The following PRKG1 variants were observed in gnomAD, a reference collection of about 807,000 sequenced individuals.
PRKG1 encodes the protein cGMP-dependent protein kinase 1.
PRKG1 carries 35 observed loss-of-function variants against 88.1 expected under a neutral mutation model. The ratio of observed to expected loss-of-function variants is 0.40; its 90% confidence interval spans 0.30 to 0.53. The LOEUF is 0.53. PRKG1 is among the 20% of genes least tolerant of loss of function. The pLI, the probability that PRKG1 is intolerant of heterozygous loss-of-function variation, is 0.59. For synonymous variants in PRKG1, 303 were observed against 292.5 expected, an observed-to-expected ratio of 1.04 and a Z score of -0.37; for missense variants, 540 against 839.8, an observed-to-expected ratio of 0.64 and a Z score of 4.41.
At chr10:51,452,149 T>C (rs1007393175) in intron 2 of PRKG1, among the ~76,000 whole-genome samples, 1 of 151,920 alleles carries the variant, frequency 6.6e-6, no homozygotes, top group African/African-American at 2.4e-5. Context: ...ATCACCACAG[T>C]CAAACTTAAA....
At chr10:52,151,014 G>A (rs1179874900) in intron 8 of PRKG1, among the ~76,000 whole-genome samples, 2 of 76,910 alleles carry the variant, frequency 2.6e-5, no homozygotes, top group Non-Finnish European at 7.0e-5. Flanking sequence ...AATTTTGATA[G>A]GATTTTTTTG....
At position 51,945,857 on chromosome 10, in the gene PRKG1, A is replaced by G. The variant is rs529843068; in HGVS notation, c.762+38287A>G. Reference sequence around the variant, plus strand: ...GTCTGATGGGCTTCTCTTTGTGGGTAACCCGACCTTTCTCTCTGGCTGCCC... The same window carrying G: ...GTCTGATGGGCTTCTCTTTGTGGGTGACCCGACCTTTCTCTCTGGCTGCCC... On this transcript the variant is annotated intron_variant, in intron 5 of 17. Transcript: ENST00000373980. 2.6e-4 allele frequency among the ~76,000 whole-genome samples: 40 copies of G among 151,804 alleles called. No homozygotes were observed. The South Asian group carries it at 7.7e-3, about 29-fold the overall frequency.
intron 2 of PRKG1, among the ~76,000 whole-genome samples, chr10:51,269,777 G>A (rs934600455): frequency 1.3e-5 from 2 of 152,156 alleles, no homozygotes; most frequent in African/African-American, 4.8e-5. Context: ...CACTGCTAGA[G>A]TGACAGGTCC....
chr10:51,123,364 G>A (rs753940753), intron 1 of PRKG1, among the ~76,000 whole-genome samples: 20 of 152,006 alleles, frequency 1.3e-4, no homozygotes, highest in Non-Finnish European at 2.5e-4. Context: ...TGCATGCTCC[G>A]TATTAGGCCT....
At chr10:51,105,103 C>T (rs1041767338) in intron 1 of PRKG1, among the ~76,000 whole-genome samples, 24 of 151,986 alleles carry the variant, frequency 1.6e-4, no homozygotes, top group Non-Finnish European at 3.2e-4. Flanking sequence ...ACTTCTGGCC[C>T]GAAGTGATCT....
intron 7 of PRKG1, among the ~76,000 whole-genome samples, chr10:52,084,809 C>T (rs548921255): frequency 2.0e-5 from 3 of 151,888 alleles, no homozygotes; most frequent in Non-Finnish European, 4.4e-5. Flanking sequence ...TTTATGACAC[C>T]TTTTTTGTCC....
chr10:52,040,832 CTT>C (rs11312625), intron 5 of PRKG1, among the ~76,000 whole-genome samples: 25 of 85,240 alleles, frequency 2.9e-4, no homozygotes, highest in South Asian at 9.2e-4. Context: ...AATGGCTTTT[CTT>C]TTTTTTTTTT....
intron 2 of PRKG1, among the ~76,000 whole-genome samples, chr10:51,254,353 G>T (rs1360956766): frequency 6.6e-6 from 1 of 151,862 alleles, no homozygotes; most frequent in Non-Finnish European, 1.5e-5. Context: ...GAAAATATTA[G>T]ATTATTAGAT....
At chr10:52,080,438 C>T (rs1162957291) in intron 7 of PRKG1, among the ~76,000 whole-genome samples, 2 of 152,096 alleles carry the variant, frequency 1.3e-5, no homozygotes, top group Admixed American at 1.3e-4. Flanking sequence ...TATTTTGTTA[C>T]ATTTTTCAAT....
chr10:51,754,929 A>G (rs936118030), intron 3 of PRKG1, among the ~76,000 whole-genome samples: 5 of 151,854 alleles, frequency 3.3e-5, no homozygotes, highest in Non-Finnish European at 7.4e-5. Context: ...GGCTCCCCAC[A>G]GGCACTGTCA....
In PRKG1 at chr10:51,665,917, A is replaced by ATGTGTGTG. The variant is rs368796918; in HGVS notation, c.593-138656_593-138649dup. On this transcript the variant is annotated intron_variant, in intron 3 of 17. Coordinates refer to ENST00000373980, the MANE Select transcript of PRKG1 (RefSeq NM_006258.4). Reference sequence around the variant, plus strand: ...GAGAGAGCTAGAGGTATTTATGAATATGTGTGTGTGTGTGTGTGTTTGTGT... The same window carrying ATGTGTGTG: ...GAGAGAGCTAGAGGTATTTATGAATATGTGTGTGTGTGTGTGTGTGTGTGTGTTTGTGT... 1.2e-4 allele frequency among the ~76,000 whole-genome samples: 18 copies of ATGTGTGTG among 150,358 alleles called. No individual in the cohort carries two copies. In the Middle Eastern group the frequency reaches 0.01, roughly 86 times the overall value.
In PRKG1 at chr10:51,153,185, A is replaced by G. The variant is rs1237448284; in HGVS notation, c.333A>G (p.Glu111=). 3 of 1,612,040 alleles carry G rather than the reference A, an allele frequency of 1.9e-6. No individual in the cohort carries two copies. The highest frequency in any genetic ancestry group is 2.5e-6 in the Non-Finnish European group (3 of 1,178,702). The change falls in exon 2 of 18, where the codon GAA becomes GAG. Residue 111 remains glutamate (E), a synonymous_variant. Transcript: ENST00000373980. The part of the protein sequence containing the change: ...KSPQSKDLIK[E]AILDNDFMKN... ...ATAGGTCCAAGGATCTTATAAAGGA[A>G]GCTATCCTTGACAATGACTTTATGA...
At chr10:51,903,745 G>A (rs1281473600) in intron 4 of PRKG1, among the ~76,000 whole-genome samples, 1 of 151,992 alleles carries the variant, frequency 6.6e-6, no homozygotes, top group Non-Finnish European at 1.5e-5. Context: ...GTAAAGTGTT[G>A]TTTTGAAAGG....
chr10:51,399,855 C>A (rs1021395859), intron 2 of PRKG1, among the ~76,000 whole-genome samples: 7 of 152,050 alleles, frequency 4.6e-5, no homozygotes, highest in Non-Finnish European at 8.8e-5. Context: ...TTGGTGTCAG[C>A]CCATGGTGGA....
intron 4 of PRKG1, among the ~76,000 whole-genome samples, chr10:51,816,280 C>T (rs1839583135): frequency 1.3e-5 from 2 of 152,092 alleles, no homozygotes; most frequent in Non-Finnish European, 2.9e-5. Flanking sequence ...CCCCCTGAGC[C>T]TGGGTTTGGA....
intron 2 of PRKG1, among the ~76,000 whole-genome samples, chr10:51,392,899 GGTGGGGGGCTGACCACCCCCA>G (rs1837459461): frequency 1.4e-5 from 1 of 69,736 alleles, no homozygotes; most frequent in African/African-American, 4.2e-5. Flanking sequence ...CGGCTGGCCG[GGTGGGGGGCTGACCACCCCCA>G]CCTCCCTCCC....
chr10:51,564,682 C>A (rs1425292571), intron 3 of PRKG1, among the ~76,000 whole-genome samples: 1 of 152,030 alleles, frequency 6.6e-6, no homozygotes. Context: ...TCTTTCTTTA[C>A]GCACAGGTAA....
intron 2 of PRKG1, among the ~76,000 whole-genome samples, chr10:51,325,069 C>G (rs568637460): frequency 3.3e-5 from 5 of 152,138 alleles, no homozygotes; most frequent in Non-Finnish European, 7.4e-5. Context: ...TATAGCCATT[C>G]GAACTAGGGT....
At chr10:51,739,909 C>G (rs888844162) in intron 3 of PRKG1, among the ~76,000 whole-genome samples, 3 of 152,172 alleles carry the variant, frequency 2.0e-5, no homozygotes, top group Non-Finnish European at 4.4e-5. Flanking sequence ...CAACTGCACT[C>G]CAGCCTGGGT....
Sources: gnomAD v4.1 joint callset for allele counts (sites outside exome capture counted in the v4.1 genomes callset) on GRCh38, gnomAD v4.1.1 for gene constraint, MANE v1.5 for transcripts, NCBI Gene and HGNC (gene_info 2026-07-23, HGNC 2026-07-21) for gene names.